Variants in NXN observed in about 807,000 individuals in gnomAD.
NXN encodes nucleoredoxin 1.
In NXN, 16 loss-of-function variants were observed where a neutral mutation model predicts 48.6. The observed-to-expected ratio is 0.33, with a 90% CI of 0.22 to 0.50. The LOEUF is 0.50. Among genes scored for constraint, NXN ranks in the 20% least tolerant of loss-of-function variants. The probability of loss-of-function intolerance (pLI) is 0.98; values close to 1 mark genes in which losing one functional copy is unlikely to be tolerated. For missense variants in NXN, 492 were observed against 605.5 expected (o/e 0.81, Z 1.97); for synonymous variants, 281 against 269.6 (o/e 1.04, Z -0.41).
chr17:854,851 C>A (rs750357465), intron 1 of NXN, among the ~76,000 whole-genome samples: 2 of 148,544 alleles, frequency 1.3e-5, no homozygotes, highest in African/African-American at 5.0e-5. Context: ...TCCAGCTACT[C>A]GGGAGACTGA....
intron 1 of NXN, among the ~76,000 whole-genome samples, chr17:858,728 C>CA (rs756256561): frequency 0.015 from 1,879 of 121,762 alleles, 31 homozygotes; most frequent in African/African-American, 0.052. Context: ...GACTCCGTCT[C>CA]AAAAAAAAAA....
intron 1 of NXN, among the ~76,000 whole-genome samples, chr17:844,511 G>A (rs920191601): frequency 8.5e-5 from 13 of 152,366 alleles, no homozygotes; most frequent in African/African-American, 2.9e-4. Flanking sequence ...CGCATGTGAA[G>A]GCCAATGAAA....
At chr17:959,197 G>T in intron 1 of NXN, 1 of 1,024,128 alleles carries the variant, frequency 9.8e-7, no homozygotes. Context: ...TACCAGTTCA[G>T]CCAGTACGTG....
intron 1 of NXN, among the ~76,000 whole-genome samples, chr17:839,642 C>CT (rs1469432095): frequency 6.7e-6 from 1 of 150,114 alleles, no homozygotes; most frequent in Non-Finnish European, 1.5e-5. Context: ...AATCTCATCT[C>CT]TAAAAAAAAA....
intron 1 of NXN, among the ~76,000 whole-genome samples, chr17:903,870 C>T (rs1047970620): frequency 6.6e-6 from 1 of 152,174 alleles, no homozygotes; most frequent in African/African-American, 2.4e-5. Context: ...TAGACCAAAT[C>T]CCCACTGGGG....
chr17:930,774 C>CT (rs66910992), intron 1 of NXN, among the ~76,000 whole-genome samples: 14,492 of 142,300 alleles, frequency 0.1, 848 homozygotes, highest in Middle Eastern at 0.18. Context: ...GTTGAGTTTG[C>CT]TTTTTTTTTT....
intron 1 of NXN, among the ~76,000 whole-genome samples, chr17:940,324 G>A (rs2068957154): frequency 6.6e-6 from 1 of 151,852 alleles, no homozygotes; most frequent in Admixed American, 6.6e-5. Flanking sequence ...AAACTCCTGG[G>A]CTCAAGCTAT....
In NXN at chr17:866,670, T is replaced by A. The variant is rs559513630; in HGVS notation, c.361-40592A>T. Among the ~76,000 whole-genome samples, 8 of 152,322 alleles carry A rather than the reference T, an allele frequency of 5.3e-5. No individual in the cohort carries two copies. In the East Asian group the frequency reaches 1.5e-3, roughly 29 times the overall value. On this transcript the variant is annotated intron_variant, in intron 1 of 7. Coordinates refer to ENST00000336868, the MANE Select transcript of NXN (RefSeq NM_022463.5). ...CCTGTTTTAAGTACGTGCATGGAGT[T>A]CTGCTTTTATAAAGAAAGAAAAAGT...
chr17:933,039 C>T (rs1311576911), intron 1 of NXN, among the ~76,000 whole-genome samples: 2 of 152,146 alleles, frequency 1.3e-5, no homozygotes, highest in Non-Finnish European at 2.9e-5. Flanking sequence ...GCCCGAAGCT[C>T]CCAAGTGGGC....
chr17:806,192 CCCAGGGCTGCAGCCCCCG>C (rs2144573235), intron 5 of NXN, among the ~76,000 whole-genome samples: 1 of 131,660 alleles, frequency 7.6e-6, no homozygotes, highest in East Asian at 2.4e-4. Flanking sequence ...CAACCCCCTC[CCCAGGGCTGCAGCCCCCG>C]CCGTCTGCAC....
At chr17:871,023 TA>T (rs1372095667) in intron 1 of NXN, among the ~76,000 whole-genome samples, 1 of 151,944 alleles carries the variant, frequency 6.6e-6, no homozygotes, top group African/African-American at 2.4e-5. Flanking sequence ...CACGCCCAGC[TA>T]AATTTTTTTT....
At chr17:962,402 T>A (rs536800819) in intron 1 of NXN, among the ~76,000 whole-genome samples, 1 of 152,082 alleles carries the variant, frequency 6.6e-6, no homozygotes, top group African/African-American at 2.4e-5. Context: ...GCACGGTGAC[T>A]CACGCCTGTA....
intron 1 of NXN, among the ~76,000 whole-genome samples, chr17:926,137 T>C (rs760164716): frequency 3.3e-5 from 5 of 152,190 alleles, no homozygotes; most frequent in South Asian, 2.1e-4. Context: ...TTCAAGACAA[T>C]GTTAGATCCG....
intron 1 of NXN, among the ~76,000 whole-genome samples, chr17:940,066 C>T (rs568005025): frequency 3.3e-5 from 5 of 151,932 alleles, no homozygotes; most frequent in Non-Finnish European, 7.4e-5. Flanking sequence ...CCTGAGTAGC[C>T]GGGACCACAG....
At chr17:954,225 A>G (rs976080857) in intron 1 of NXN, among the ~76,000 whole-genome samples, 1 of 151,628 alleles carries the variant, frequency 6.6e-6, no homozygotes, top group Non-Finnish European at 1.5e-5. Context: ...TAAAAATACA[A>G]AAAAACTTAG....
chr17:897,100 C>T (rs1312590005), intron 1 of NXN: 17 of 1,019,258 alleles, frequency 1.7e-5, no homozygotes, highest in Admixed American at 6.0e-5. Context: ...ACGGCCACCG[C>T]GCCCAAGAAA....
Position 830,643 on chromosome 17 carries a change from G to A in NXN, c.361-4565C>T, listed in dbSNP as rs1913404643. ...AAGATTTGTGAACCACATCGTCAAG[G>A]CCCCGTGGACGACAGCAAAAATAAC... On this transcript the variant is annotated intron_variant, in intron 1 of 7. Coordinates refer to ENST00000336868, the MANE Select transcript of NXN (RefSeq NM_022463.5). The surrounding 1 kb of genome is among the most constrained non-coding windows in gnomAD (Gnocchi z 4.2). Among the ~76,000 whole-genome samples the A allele has an allele frequency of 6.6e-6, 1 of 152,138 alleles. No homozygotes were observed. Among genetic ancestry groups the A allele is most frequent in the Admixed American group, 6.6e-5 (1 of 15,264 alleles).
intron 4 of NXN, among the ~76,000 whole-genome samples, chr17:820,427 C>T (rs534023561): frequency 3.8e-4 from 56 of 147,912 alleles, no homozygotes; most frequent in African/African-American, 1.3e-3. Flanking sequence ...CTGGCTAACA[C>T]GGTGAAACCC....
chr17:896,964 G>C (rs1268627518), intron 1 of NXN: 1 of 1,197,462 alleles, frequency 8.4e-7, no homozygotes, highest in Non-Finnish European at 1.1e-6. Context: ...GCCTGTTGCA[G>C]TGACGCCTCT....
Sources: allele counts gnomAD v4.1 joint callset (sites outside exome capture counted in the v4.1 genomes callset), GRCh38; gene constraint gnomAD v4.1.1; non-coding constraint Gnocchi (gnomAD v3.1); transcripts MANE v1.5; gene names NCBI Gene and HGNC (gene_info 2026-07-23, HGNC 2026-07-21).